The following NDRG1 variants were observed in gnomAD, a reference collection of about 807,000 sequenced individuals.
NDRG1 encodes the protein protein NDRG1.
Under a neutral mutation model 56.9 loss-of-function variants are expected in NDRG1, and 32 were observed. That is an observed-to-expected ratio of 0.56 (90% CI 0.42 to 0.76). The LOEUF is 0.76. Among genes scored for constraint, NDRG1 ranks in the 30% least tolerant of loss-of-function variants. The probability of loss-of-function intolerance (pLI) is 0.00; values close to 1 mark genes in which losing one functional copy is unlikely to be tolerated. For synonymous variants in NDRG1, 211 were observed against 204.1 expected, an observed-to-expected ratio of 1.03 and a Z score of -0.29; for missense variants, 507 against 545.7, an observed-to-expected ratio of 0.93 and a Z score of 0.71.
intron 5 of NDRG1, among the ~76,000 whole-genome samples, chr8:133,260,304 T>C (rs1163970092): frequency 2.0e-5 from 3 of 152,112 alleles, no homozygotes; most frequent in Non-Finnish European, 2.9e-5. Flanking sequence ...GGCTTCAGAA[T>C]ACAGGGGGCT....
chr8:133,274,432 C>T (rs1237607686), intron 3 of NDRG1, among the ~76,000 whole-genome samples: 2 of 152,142 alleles, frequency 1.3e-5, no homozygotes, highest in Admixed American at 6.5e-5. Context: ...GGAATGACAT[C>T]GGCTGCTTTC....
intron 8 of NDRG1, 185 bp from the exon 9 acceptor site, chr8:133,254,780 C>T (rs1354066660): frequency 1.5e-6 from 1 of 654,842 alleles, no homozygotes; most frequent in Admixed American, 2.4e-5. Flanking sequence ...GACCTGATCC[C>T]CCAAATGCAG....
intron 14 of NDRG1, 99 bp downstream of exon 14, chr8:133,244,256 C>A: frequency 1.4e-6 from 2 of 1,432,348 alleles, no homozygotes; most frequent in South Asian, 2.3e-5. Context: ...CATCCGATGT[C>A]ACAGCAAGGT....
At chr8:133,280,412 G>A (rs886185735) in intron 2 of NDRG1, 145 bp from the exon 3 acceptor site, 168 of 722,142 alleles carry the variant, frequency 2.3e-4, no homozygotes, top group Admixed American at 2.2e-4. Flanking sequence ...ACAAAGGCAG[G>A]CTTTCCTTTT....
Position 133,238,281 on chromosome 8 carries a change from C to T in NDRG1, c.*597G>A, listed in dbSNP as rs1002252712. The T allele has an allele frequency of 3.9e-5, 9 of 232,422 alleles. No homozygotes were observed. The highest frequency in any genetic ancestry group is 1.3e-3 in the Middle Eastern group (1 of 780). The allele number at this position is 232,422 out of a possible 1,614,324, so 14.4% of individuals were successfully genotyped here. A position where few individuals can be genotyped will look rare whatever the true frequency, so the allele number is the denominator to read the frequency against. On this transcript the variant is annotated 3_prime_UTR_variant, in exon 16 of 16. Transcript: ENST00000323851. ...TTCTAGATGCACCAACTTTAAAAATCGGTTTCTTCAAGTTAACTACGTAGA... is the reference window on the plus strand; with the variant it reads ...TTCTAGATGCACCAACTTTAAAAATTGGTTTCTTCAAGTTAACTACGTAGA...
chr8:133,238,655 C>A lies in NDRG1; in HGVS notation c.*223G>T, dbSNP rs1028658887. 4 of 601,740 alleles carry A rather than the reference C, an allele frequency of 6.6e-6. No homozygotes were observed. The highest frequency in any genetic ancestry group is 1.9e-5 in the African/African-American group (1 of 53,896). 37.3% of individuals were successfully genotyped at this position (601,740 alleles called of 1,614,324 possible). On this transcript the variant is annotated 3_prime_UTR_variant, in exon 16 of 16. Coordinates refer to ENST00000323851, the MANE Select transcript of NDRG1 (RefSeq NM_006096.4). The stretch of plus-strand genomic sequence containing the variant: ...CTGGTTAATGGAAGAGGATGCGATG[C>A]GGAGATGCTTGCTTCCTTCCTTTGG...
intron 3 of NDRG1, among the ~76,000 whole-genome samples, chr8:133,267,733 G>A (rs929232627): frequency 4.6e-5 from 7 of 152,130 alleles, no homozygotes; most frequent in Non-Finnish European, 5.9e-5. Flanking sequence ...CCACCGCCAC[G>A]GACATCGGAG....
intron 5 of NDRG1, among the ~76,000 whole-genome samples, chr8:133,260,086 T>C (rs565188122): frequency 2.0e-5 from 3 of 152,306 alleles, no homozygotes; most frequent in Admixed American, 1.3e-4. Flanking sequence ...GAAATGGCCA[T>C]GGCTCAATTT....
chr8:133,251,284 T>C (rs1321043463), intron 9 of NDRG1, among the ~76,000 whole-genome samples: 1 of 152,228 alleles, frequency 6.6e-6, no homozygotes, highest in Non-Finnish European at 1.5e-5. Flanking sequence ...GGGTCTGATA[T>C]GACCAGTGGC....
chr8:133,280,447 G>A (rs1249382433), intron 2 of NDRG1, among the ~76,000 whole-genome samples, 180 bp from the exon 3 acceptor site: 4 of 144,178 alleles, frequency 2.8e-5, no homozygotes, highest in East Asian at 2.0e-4. Context: ...TTTTTGAGAC[G>A]GAGTCTTGCT....
intron 9 of NDRG1, among the ~76,000 whole-genome samples, 197 bp from the exon 10 acceptor site, chr8:133,250,740 C>T (rs1166959472): frequency 3.3e-5 from 5 of 151,904 alleles, no homozygotes; most frequent in Admixed American, 6.6e-5. Flanking sequence ...TTTCACTATC[C>T]GCTGGGAGCA....
intron 1 of NDRG1, chr8:133,284,921 A>C (rs2130796618): frequency 2.2e-6 from 1 of 449,454 alleles, no homozygotes; most frequent in South Asian, 1.6e-5. Flanking sequence ...GGGCAGAGGA[A>C]AACCTTAAGT....
chr8:133,294,283 C>T (rs1858607250), intron 1 of NDRG1, among the ~76,000 whole-genome samples: 1 of 152,208 alleles, frequency 6.6e-6, no homozygotes, highest in Admixed American at 6.5e-5. Context: ...CTCTCCTGGC[C>T]TCAGTTGCCT....
chr8:133,293,643 C>T (rs913663531), intron 1 of NDRG1, among the ~76,000 whole-genome samples: 1 of 152,198 alleles, frequency 6.6e-6, no homozygotes, highest in Non-Finnish European at 1.5e-5. Flanking sequence ...GAAGGTACAG[C>T]GGCATGTATG....
intron 2 of NDRG1, among the ~76,000 whole-genome samples, 185 bp downstream of exon 2, chr8:133,284,064 G>C (rs929661686): frequency 6.6e-6 from 1 of 152,216 alleles, no homozygotes; most frequent in East Asian, 1.9e-4. Context: ...ATGTGTGTAC[G>C]CATGTGTGTC....
rs1021422343 is a variant in NDRG1 at position 133,237,983 on chromosome 8, T to A, written c.*895A>T. On this transcript the variant is annotated 3_prime_UTR_variant, in exon 16 of 16. Coordinates refer to ENST00000323851, the MANE Select transcript of NDRG1 (RefSeq NM_006096.4). ...GGACACTCATCACAGCCAGGGCAGC[T>A]GTGGAATGTTGCCCTCCATTCTAAG... 2.6e-5 allele frequency: 6 copies of A among 233,022 alleles called. No individual in the cohort carries two copies. The Admixed American group carries it at 3.4e-4, about 13-fold the overall frequency. 14.4% of individuals were successfully genotyped at this position (233,022 alleles called of 1,614,324 possible). A position where few individuals can be genotyped will look rare whatever the true frequency, so the allele number is the denominator to read the frequency against.
At chr8:133,295,186 A>C (rs1402420953) in intron 1 of NDRG1, among the ~76,000 whole-genome samples, 2 of 152,220 alleles carry the variant, frequency 1.3e-5, no homozygotes, top group African/African-American at 4.8e-5. Flanking sequence ...ACCTCGCCCG[A>C]AACTCAACCT....
In NDRG1 at chr8:133,258,346, A is replaced by G; in HGVS notation, c.450+20T>C. On this transcript the variant is annotated intron_variant, in intron 7 of 15. Transcript: ENST00000323851. The stretch of plus-strand genomic sequence containing the variant: ...AATGTTATTTAAAATGCGATTTTCA[A>G]AAAATGCCAAAGCACTCACAGCAAA... The G allele has an allele frequency of 6.2e-7, 1 of 1,606,182 alleles. No homozygotes were observed. The highest frequency in any genetic ancestry group is 1.3e-5 in the African/African-American group (1 of 74,968).
rs1471609439 is a variant in NDRG1, at chr8:133,251,410, ACT to A, written c.595-869_595-868del. Among the ~76,000 whole-genome samples, 4 of 152,316 alleles carry A rather than the reference ACT, an allele frequency of 2.6e-5. 1 individual carries two copies. Among genetic ancestry groups the A allele is most frequent in the African/African-American group, 9.6e-5 (4 of 41,564 alleles). ...GAGGTCAACTGGCTACTAAGAGCAA[ACT>A]CTGGAAAAAATAGTCAGGAATCACG... is the stretch of plus-strand genomic sequence containing the variant. On this transcript the variant is annotated intron_variant, in intron 9 of 15. Coordinates refer to ENST00000323851, the MANE Select transcript of NDRG1 (RefSeq NM_006096.4).
Sources: allele counts gnomAD v4.1 joint callset (sites outside exome capture counted in the v4.1 genomes callset), GRCh38; gene constraint gnomAD v4.1.1; transcripts MANE v1.5; gene names NCBI Gene and HGNC (gene_info 2026-07-23, HGNC 2026-07-21).